The following VAV3 variants were observed in gnomAD, a reference collection of about 807,000 sequenced individuals.
VAV3 encodes vav guanine nucleotide exchange factor 3.
Under a neutral mutation model 131.2 loss-of-function variants are expected in VAV3, and 94 were observed. The observed-to-expected ratio is 0.72, with a 90% CI of 0.61 to 0.85. The LOEUF is 0.85. VAV3 is among the 40% of genes least tolerant of loss of function. The pLI is 0.00. For missense variants in VAV3, 939 were observed against 1,002.7 expected, an observed-to-expected ratio of 0.94 and a Z score of 0.86; for synonymous variants, 349 against 342.0, an observed-to-expected ratio of 1.02 and a Z score of -0.22.
At chr1:107,842,526 T>C (rs1212971455) in intron 2 of VAV3, among the ~76,000 whole-genome samples, 2 of 152,250 alleles carry the variant, frequency 1.3e-5, no homozygotes, top group Non-Finnish European at 2.9e-5. Context: ...TCTGTGGCAG[T>C]AGTTTCACTT....
At chr1:107,737,173 T>C (rs1172573669) in intron 15 of VAV3, among the ~76,000 whole-genome samples, 1 of 152,138 alleles carries the variant, frequency 6.6e-6, no homozygotes, top group East Asian at 1.9e-4. Context: ...TGAAACTGGA[T>C]CCCTTCCTTA....
At chr1:107,837,499 C>A (rs965619514) in intron 2 of VAV3, among the ~76,000 whole-genome samples, 1 of 152,090 alleles carries the variant, frequency 6.6e-6, no homozygotes, top group Non-Finnish European at 1.5e-5. Context: ...TCCTATCAAA[C>A]TAGCAATGTC....
At chr1:107,782,413 T>C (rs1011689303) in intron 2 of VAV3, among the ~76,000 whole-genome samples, 1 of 152,138 alleles carries the variant, frequency 6.6e-6, no homozygotes, top group African/African-American at 2.4e-5. Context: ...CAGATGATAG[T>C]CTATTAGTTT....
chr1:107,672,294 T>C (rs1049567396), intron 19 of VAV3: 1 of 140,800 alleles, frequency 7.1e-6, no homozygotes, highest in African/African-American at 2.6e-5. Context: ...AAAAAAAAGA[T>C]AAATTTAAAT....
chr1:107,910,929 G>A (rs765825920), intron 1 of VAV3, among the ~76,000 whole-genome samples: 6 of 151,768 alleles, frequency 4.0e-5, no homozygotes, highest in East Asian at 1.9e-4. Flanking sequence ...GCAGTGGGCC[G>A]GTATCACACC....
chr1:107,788,944 A>G (rs1257250940), intron 2 of VAV3, among the ~76,000 whole-genome samples: 1 of 152,216 alleles, frequency 6.6e-6, no homozygotes, highest in East Asian at 1.9e-4. Flanking sequence ...TCTGTAGGTA[A>G]ACACCAATTA....
chr1:107,733,556 G>A (rs922072398), intron 15 of VAV3, among the ~76,000 whole-genome samples: 3 of 152,138 alleles, frequency 2.0e-5, no homozygotes, highest in African/African-American at 7.2e-5. Flanking sequence ...ATGACCTGAT[G>A]GAGCTGAAAA....
At chr1:107,671,468 ACT>A (rs1420506090) in intron 19 of VAV3, among the ~76,000 whole-genome samples, 2 of 152,144 alleles carry the variant, frequency 1.3e-5, no homozygotes, top group Admixed American at 1.3e-4. Context: ...GAATCTCCAC[ACT>A]GTTTTTGAAA....
chr1:107,743,430 G>T (rs1424367761), intron 15 of VAV3, among the ~76,000 whole-genome samples: 1 of 152,154 alleles, frequency 6.6e-6, no homozygotes, highest in Non-Finnish European at 1.5e-5. Context: ...TCTGTATGTT[G>T]ATCCTTAAGT....
At chr1:107,755,577 G>A in intron 11 of VAV3, 64 bp from the exon 12 acceptor site, 1 of 1,147,502 alleles carries the variant, frequency 8.7e-7, no homozygotes, top group East Asian at 2.4e-5. Context: ...AAACTGCTTT[G>A]AAAGAAAACA....
At chr1:107,627,128 G>A (rs1654080472) in intron 20 of VAV3, among the ~76,000 whole-genome samples, 1 of 152,058 alleles carries the variant, frequency 6.6e-6, no homozygotes. Flanking sequence ...AGGCTCAGAG[G>A]GTTTCTGGGT....
chr1:107,931,799 C>T (rs778411898), intron 1 of VAV3, among the ~76,000 whole-genome samples: 13 of 152,186 alleles, frequency 8.5e-5, no homozygotes, highest in Non-Finnish European at 1.9e-4. Context: ...ATGGAAGCAG[C>T]CCTAATTCCA....
Position 107,602,391 on chromosome 1 carries a change from G to A in VAV3, c.2220+6C>T, listed in dbSNP as rs778912131. On this transcript the variant is annotated splice_donor_region_variant and intron_variant, in intron 24 of 26. Coordinates refer to ENST00000370056, the MANE Select transcript of VAV3 (RefSeq NM_006113.5). ...CCCAGATTGAAAAGAAATAATCAAT[G>A]CTTACCATTAAACTTTTAAATTTTC... is the stretch of plus-strand genomic sequence containing the variant. 7 of 1,529,738 alleles carry A rather than the reference G, an allele frequency of 4.6e-6. 1 individual carries two copies. The highest frequency in any genetic ancestry group is 1.2e-5 in the South Asian group (1 of 82,154). The allele number at this position is 1,529,738 out of a possible 1,614,324, so 94.8% of individuals were successfully genotyped here. A position where few individuals can be genotyped will look rare whatever the true frequency, so the allele number is the denominator to read the frequency against.
At chr1:107,952,468 T>TTATATATATATTTATA (rs1553235445) in intron 1 of VAV3, among the ~76,000 whole-genome samples, 1 of 119,028 alleles carries the variant, frequency 8.4e-6, no homozygotes, top group Non-Finnish European at 1.7e-5. Flanking sequence ...TAACAAAACT[T>TTATATATATATTTATA]TATATATATA....
chr1:107,808,393 C>T (rs1667161961), intron 2 of VAV3, among the ~76,000 whole-genome samples: 1 of 152,154 alleles, frequency 6.6e-6, no homozygotes, highest in African/African-American at 2.4e-5. Context: ...AAAAGAGTCA[C>T]ACCCTTTTTC....
At chr1:107,598,658 C>T (rs1274824056) in intron 24 of VAV3, among the ~76,000 whole-genome samples, 3 of 152,084 alleles carry the variant, frequency 2.0e-5, no homozygotes, top group Admixed American at 2.0e-4. Context: ...AAAATGGTTT[C>T]AATGATCAGA....
chr1:107,636,235 C>T (rs1429965116), intron 20 of VAV3, among the ~76,000 whole-genome samples: 1 of 152,132 alleles, frequency 6.6e-6, no homozygotes, highest in East Asian at 1.9e-4. Context: ...GAGGTGAGAT[C>T]AGTTAGAAGG....
chr1:107,596,151 A>C (rs1371833596), intron 25 of VAV3, 61 bp downstream of exon 25: 2 of 1,584,084 alleles, frequency 1.3e-6, no homozygotes, highest in African/African-American at 1.4e-5. Flanking sequence ...AAGATGTTTA[A>C]TGTTATTGTG....
intron 19 of VAV3, among the ~76,000 whole-genome samples, chr1:107,643,949 G>A (rs1025973249): frequency 2.0e-5 from 3 of 152,076 alleles, no homozygotes; most frequent in African/African-American, 7.2e-5. Flanking sequence ...TGGGACTGCT[G>A]AGGCTTGTCA....
Sources: gnomAD v4.1 joint callset for allele counts (sites outside exome capture counted in the v4.1 genomes callset) on GRCh38, gnomAD v4.1.1 for gene constraint, MANE v1.5 for transcripts, NCBI Gene and HGNC (gene_info 2026-07-23, HGNC 2026-07-21) for gene names.